MSRB3: variants seen among roughly 807,000 people sequenced by gnomAD.
The protein encoded by MSRB3 is methionine-R-sulfoxide reductase B3.
MSRB3 carries 13 observed loss-of-function variants against 21.0 expected under a neutral mutation model. The ratio of observed to expected loss-of-function variants is 0.62; its 90% CI spans 0.40 to 0.98. MSRB3 has a LOEUF of 0.98. MSRB3 is among the 50% of genes least tolerant of loss of function. The pLI is 0.00. For synonymous variants in MSRB3, 87 were observed against 88.6 expected (o/e 0.98, Z 0.10); for missense variants, 199 against 230.3 (o/e 0.86, Z 0.88).
chr12:65,353,099 A>G (rs1045805658), intron 4 of MSRB3, among the ~76,000 whole-genome samples: 7 of 152,296 alleles, frequency 4.6e-5, no homozygotes, highest in Middle Eastern at 3.4e-3. Flanking sequence ...ACAGTTTGTT[A>G]TAATTTCTAT....
In MSRB3 at chr12:65,350,360, C is replaced by T. The variant is rs962943400; in HGVS notation, c.264-18638C>T. On this transcript the variant is annotated intron_variant, in intron 4 of 6. Transcript: ENST00000308259. ...AGGTAGTGTGATGCCTCCAGCTTTGCCAAAATGTAAAGACCATCGAGACTA... is the reference window on the plus strand; with the variant it reads ...AGGTAGTGTGATGCCTCCAGCTTTGTCAAAATGTAAAGACCATCGAGACTA... 6.3e-4 allele frequency among the ~76,000 whole-genome samples: 96 copies of T among 151,856 alleles called. 1 individual carries two copies. Among genetic ancestry groups the T allele is most frequent in the African/African-American group, 2.1e-3 (86 of 41,460 alleles).
chr12:65,441,080 A>G (rs1882355638), intron 5 of MSRB3, among the ~76,000 whole-genome samples: 1 of 151,938 alleles, frequency 6.6e-6, no homozygotes, highest in Non-Finnish European at 1.5e-5. Flanking sequence ...GACACATTAA[A>G]TATGACTACA....
chr12:65,339,622 G>A (rs149490579), intron 4 of MSRB3, among the ~76,000 whole-genome samples: 4 of 152,184 alleles, frequency 2.6e-5, no homozygotes, highest in Non-Finnish European at 4.4e-5. Flanking sequence ...TTAAATAATT[G>A]GGAAGAGATG....
At chr12:65,357,852 G>T (rs144819707) in intron 4 of MSRB3, among the ~76,000 whole-genome samples, 141 of 152,012 alleles carry the variant, frequency 9.3e-4, no homozygotes, top group African/African-American at 3.3e-3. Flanking sequence ...AGGTATATGC[G>T]AACAACACGT....
chr12:65,281,806 C>G (rs1210762014), intron 1 of MSRB3: 1 of 152,106 alleles, frequency 6.6e-6, no homozygotes, highest in East Asian at 1.9e-4. Context: ...GATGAAATAG[C>G]CTATAATGGG....
chr12:65,438,594 C>A (rs1453201507), intron 5 of MSRB3, among the ~76,000 whole-genome samples: 2 of 151,796 alleles, frequency 1.3e-5, no homozygotes, highest in African/African-American at 2.4e-5. Flanking sequence ...CATCTGCAAT[C>A]CTGGAAAATA....
At chr12:65,344,555 A>G (rs983239510) in intron 4 of MSRB3, among the ~76,000 whole-genome samples, 1 of 151,802 alleles carries the variant, frequency 6.6e-6, no homozygotes, top group African/African-American at 2.4e-5. Context: ...TATGTGTATT[A>G]TTTTTTCCCA....
intron 5 of MSRB3, among the ~76,000 whole-genome samples, chr12:65,426,641 CTCTT>C (rs1342625148): frequency 1.3e-5 from 2 of 152,126 alleles, no homozygotes; most frequent in Non-Finnish European, 2.9e-5. Context: ...AGCTTTCTGG[CTCTT>C]TGTCTCTTTA....
intron 5 of MSRB3, among the ~76,000 whole-genome samples, chr12:65,395,791 G>T (rs1879746300): frequency 6.6e-6 from 1 of 152,080 alleles, no homozygotes; most frequent in African/African-American, 2.4e-5. Flanking sequence ...AAATTTGTGG[G>T]TATAGAATTG....
At chr12:65,304,493 A>G (rs183747458) in intron 1 of MSRB3, among the ~76,000 whole-genome samples, 4 of 152,306 alleles carry the variant, frequency 2.6e-5, no homozygotes, top group Non-Finnish European at 5.9e-5. Context: ...CTGGCTTTTA[A>G]AAAAATAACA....
chr12:65,280,021 A>T (rs997189181), intron 1 of MSRB3, among the ~76,000 whole-genome samples: 3 of 152,220 alleles, frequency 2.0e-5, no homozygotes, highest in Non-Finnish European at 4.4e-5. Flanking sequence ...TGACTCTATG[A>T]AGCATAGATT....
chr12:65,428,791 A>G lies in MSRB3; in HGVS notation c.293-24937A>G, dbSNP rs192201374. Among the ~76,000 whole-genome samples the G allele has an allele frequency of 2.3e-4, 35 of 152,218 alleles. No individual in the cohort carries two copies. The East Asian group carries it at 6.2e-3, about 27-fold the overall frequency. ...CCCACCCCCATCTTTAGCAATTGGT[A>G]TTTTAGAAAACGCTAAACTAATTCC... On this transcript the variant is annotated intron_variant, in intron 5 of 6. Transcript: ENST00000308259.
At position 65,356,213 on chromosome 12, in the gene MSRB3, A is replaced by G. The variant is rs188051065; in HGVS notation, c.264-12785A>G. On this transcript the variant is annotated intron_variant, in intron 4 of 6. Coordinates refer to ENST00000308259, the MANE Select transcript of MSRB3 (RefSeq NM_001031679.3). ...TCTGTTGGCCCTGCCTGAGTAATCAATGGAATCTAAGGTTTTATAATTTGA... is the reference window on the plus strand; with the variant it reads ...TCTGTTGGCCCTGCCTGAGTAATCAGTGGAATCTAAGGTTTTATAATTTGA... 4.6e-5 allele frequency among the ~76,000 whole-genome samples: 7 copies of G among 152,060 alleles called. No homozygotes were observed. The East Asian group carries it at 1.4e-3, about 29-fold the overall frequency.
chr12:65,315,392 C>T lies in MSRB3; in HGVS notation c.76+6737C>T, dbSNP rs529936089. On this transcript the variant is annotated intron_variant, in intron 2 of 6. Transcript: ENST00000308259. ...TGTTATAAAAAATACACCATGAGGCCTGGCGCGGTGGTCGTACCTGTAATC... is the reference window on the plus strand; with the variant it reads ...TGTTATAAAAAATACACCATGAGGCTTGGCGCGGTGGTCGTACCTGTAATC... 2.6e-5 allele frequency among the ~76,000 whole-genome samples: 4 copies of T among 152,068 alleles called. No individual in the cohort carries two copies. The South Asian group carries it at 8.3e-4, about 32-fold the overall frequency.
intron 3 of MSRB3, 51 bp downstream of exon 3, chr12:65,326,985 C>A: frequency 7.4e-7 from 1 of 1,352,110 alleles, no homozygotes; most frequent in Non-Finnish European, 1.0e-6. Context: ...TCTTCTCCCC[C>A]TGCCCTCTGC....
At chr12:65,366,763 G>T (rs982973152) in intron 4 of MSRB3, among the ~76,000 whole-genome samples, 1 of 152,192 alleles carries the variant, frequency 6.6e-6, no homozygotes, top group Non-Finnish European at 1.5e-5. Flanking sequence ...TATGGTCAAA[G>T]AAGTGTTTTC....
chr12:65,343,502 G>T (rs1480825770), intron 4 of MSRB3, among the ~76,000 whole-genome samples: 1 of 151,990 alleles, frequency 6.6e-6, no homozygotes, highest in African/African-American at 2.4e-5. Flanking sequence ...ATTTTCAAAT[G>T]GATTGATTTT....
At chr12:65,369,131 C>T (rs551097661) in intron 5 of MSRB3, 105 bp downstream of exon 5, 54 of 842,228 alleles carry the variant, frequency 6.4e-5, no homozygotes, top group African/African-American at 2.7e-4. Context: ...ACAGACTAGG[C>T]GGTTTCTTTC....
intron 2 of MSRB3, among the ~76,000 whole-genome samples, chr12:65,318,556 A>T (rs530931686): frequency 6.6e-6 from 1 of 152,284 alleles, no homozygotes; most frequent in African/African-American, 2.4e-5. Context: ...CTGGAAAAAA[A>T]AATTAAAAAC....
Sources: allele counts gnomAD v4.1 joint callset (sites outside exome capture counted in the v4.1 genomes callset), GRCh38; gene constraint gnomAD v4.1.1; transcripts MANE v1.5; gene names NCBI Gene and HGNC (gene_info 2026-07-23, HGNC 2026-07-21).